Variants in EPN3 observed in about 807,000 individuals in gnomAD.
EPN3 encodes epsin 3.
EPN3 carries 56 observed loss-of-function variants against 55.5 expected under a neutral mutation model. That is an observed-to-expected ratio of 1.01 (90% CI 0.81 to 1.26). EPN3 has a LOEUF of 1.26. EPN3 is among the 50% of genes most tolerant of loss of function. The probability of loss-of-function intolerance (pLI) is 0.00; values close to 1 mark genes in which losing one functional copy is unlikely to be tolerated. For synonymous variants in EPN3, 449 were observed against 375.2 expected (o/e 1.20, Z -2.27); for missense variants, 927 against 853.4 (o/e 1.09, Z -1.07).
Position 50,536,961 on chromosome 17 carries a change from G to A in EPN3, c.405G>A (p.Lys135=). The A allele has an allele frequency of 1.2e-6, 2 of 1,614,044 alleles. No individual in the cohort carries two copies. Residue 135 remains lysine (K), a synonymous_variant, in exon 2 of 10, where the codon AAG becomes AAA. Transcript: ENST00000268933. ...TCAAGCAGGTGATGGCCCTGCTCAA[G>A]GATGAGGAGCGGCTGCGGCAGGAGC... is the stretch of plus-strand genomic sequence containing the variant. The part of the protein sequence containing the change: ...EKVKQVMALL[K]DEERLRQERT...
In EPN3 at chr17:50,536,539, ACCT is replaced by A. The variant is rs763193586; in HGVS notation, c.-15_-13del. 1.2e-6 allele frequency: 2 copies of A among 1,613,026 alleles called. No individual in the cohort carries two copies. Among genetic ancestry groups the A allele is most frequent in the Admixed American group, 3.3e-5 (2 of 60,002 alleles). The stretch of plus-strand genomic sequence containing the variant: ...CCTCCGGCGGGGGCGAGGGCCACCC[ACCT>A]CCAAGTCTCCAGCCATGACGACCTC... On this transcript the variant is annotated 5_prime_UTR_variant, in exon 2 of 10. Transcript: ENST00000268933.
In EPN3 at chr17:50,532,913, T is replaced by G; in HGVS notation, c.-209T>G. On this transcript the variant is annotated 5_prime_UTR_variant, in exon 1 of 10. Transcript: ENST00000268933. ...CGCTCCCGAGGCTGTGCCGTCCCGC[T>G]GCTGCACAGGTCGGAGGGTCACCGC... 2 of 1,285,802 alleles carry G rather than the reference T, an allele frequency of 1.6e-6. No homozygotes were observed. Among genetic ancestry groups the G allele is most frequent in the South Asian group, 1.2e-5 (1 of 80,726 alleles). The allele number at this position is 1,285,802 out of a possible 1,614,324, so 79.6% of individuals were successfully genotyped here.
intron 1 of EPN3, 55 bp from the exon 2 acceptor site, chr17:50,536,366 G>A (rs2034760311): frequency 1.4e-6 from 2 of 1,407,440 alleles, no homozygotes; most frequent in Admixed American, 5.8e-5. Context: ...GTCAGTGGCT[G>A]AGTGACCCAT....
At chr17:50,537,220 T>C in intron 2 of EPN3, 102 bp downstream of exon 2, 1 of 1,213,334 alleles carries the variant, frequency 8.2e-7, no homozygotes. Context: ...CTCCGAGGGG[T>C]GTTATGAAGA....
Position 50,538,895 on chromosome 17 carries a change from A to G in EPN3, c.693A>G (p.Pro231=). 1 of 1,604,520 alleles carries G rather than the reference A, an allele frequency of 6.2e-7. No homozygotes were observed. The highest frequency in any genetic ancestry group is 8.5e-7 in the Non-Finnish European group (1 of 1,174,274). ...CTCTTCCTCCGCAGCCTGTCCCCCCAGCCTCCCACAGGGACGAGGACCTGC... is the reference window on the plus strand; with the variant it reads ...CTCTTCCTCCGCAGCCTGTCCCCCCGGCCTCCCACAGGGACGAGGACCTGC... ...SREEAEKPVP[P]ASHRDEDLQL... The change falls in exon 4 of 10, where the codon CCA becomes CCG. Residue 231 remains proline, a synonymous_variant. Transcript: ENST00000268933.
chr17:50,541,374 G>A, intron 8 of EPN3, 41 bp downstream of exon 8: 2 of 1,607,286 alleles, frequency 1.2e-6, no homozygotes, highest in East Asian at 2.2e-5. Context: ...GGGGAATGAG[G>A]GGCCCACCCC....
At position 50,543,672 on chromosome 17, in the gene EPN3, A is replaced by C. The variant is rs2034876416; in HGVS notation, c.*1515A>C. On this transcript the variant is annotated 3_prime_UTR_variant, in exon 10 of 10. Coordinates refer to ENST00000268933, the MANE Select transcript of EPN3 (RefSeq NM_017957.3). ...CTTACAGGGTTCAAAGTTCTGCTCC[A>C]AGGTTTGACCCTAACAAGAATCACT... The C allele has an allele frequency of 6.6e-6, 1 of 152,270 alleles. No homozygotes were observed. The highest frequency in any genetic ancestry group is 2.4e-5 in the African/African-American group (1 of 41,472). The allele number at this position is 152,270 out of a possible 1,614,324, so 9.4% of individuals were successfully genotyped here.
intron 1 of EPN3, among the ~76,000 whole-genome samples, chr17:50,535,437 T>C (rs1478818342): frequency 8.6e-5 from 13 of 151,822 alleles, no homozygotes; most frequent in Non-Finnish European, 1.9e-4. Context: ...CATGCAGGAG[T>C]GTTGGCAGTG....
Position 50,540,838 on chromosome 17 carries a change from C to T in EPN3, c.1025C>T (p.Ser342Phe), listed in dbSNP as rs1460416910. The T allele has an allele frequency of 2.5e-6, 4 of 1,613,868 alleles. No homozygotes were observed. The African/African-American group carries it at 4.0e-5, about 16-fold the overall frequency. The change falls in exon 7 of 10, where the codon TCT becomes TTT. Residue 342 changes from serine to phenylalanine, a missense_variant. Ser to Phe is a radical substitution (Grantham distance 155, BLOSUM62 -2). Coordinates refer to ENST00000268933, the MANE Select transcript of EPN3 (RefSeq NM_017957.3). Reference protein sequence around the residue: ...TEASGSSWGPSADPWSPIPSG... With the variant: ...TEASGSSWGPFADPWSPIPSG... ...GCCAGTGGATCCTCCTGGGGGCCTT[C>T]TGCAGACCCCTGGTCTCCGATCCCC... is the stretch of plus-strand genomic sequence containing the variant.
intron 6 of EPN3, among the ~76,000 whole-genome samples, 177 bp from the exon 7 acceptor site, chr17:50,540,616 C>T (rs2034834531): frequency 6.6e-6 from 1 of 152,204 alleles, no homozygotes; most frequent in African/African-American, 2.4e-5. Context: ...ACCTGCAGGT[C>T]CCAGTTCCTG....
Position 50,542,312 on chromosome 17 carries a change from G to A in EPN3, c.*155G>A, listed in dbSNP as rs1272860151. 1.6e-5 allele frequency: 12 copies of A among 737,892 alleles called. No individual in the cohort carries two copies. The highest frequency in any genetic ancestry group is 2.2e-5 in the Non-Finnish European group (11 of 509,652). The allele number at this position is 737,892 out of a possible 1,614,324, so 45.7% of individuals were successfully genotyped here. On this transcript the variant is annotated 3_prime_UTR_variant, in exon 10 of 10. Transcript: ENST00000268933. Reference sequence around the variant, plus strand: ...GCTCTGGAAGCTGGACGCGGACCACGGCCCGGGAGCTAGAAACTGAACGCC... The same window carrying A: ...GCTCTGGAAGCTGGACGCGGACCACAGCCCGGGAGCTAGAAACTGAACGCC...
rs1321090240 is a variant in EPN3, at chr17:50,541,348, G to A, written c.1354+15G>A. ...CAGCCCTGTGGGTGAGCAGGGCAAG[G>A]GGATGGTGAGGCTCTGGGGAATGAG... On this transcript the variant is annotated intron_variant, in intron 8 of 9. Transcript: ENST00000268933. 2 of 1,610,572 alleles carry A rather than the reference G, an allele frequency of 1.2e-6. No individual in the cohort carries two copies. Among genetic ancestry groups the A allele is most frequent in the Admixed American group, 3.3e-5 (2 of 60,008 alleles).
Position 50,536,524 on chromosome 17 carries a change from G to A in EPN3, c.-33G>A. 1 of 1,612,204 alleles carries A rather than the reference G, an allele frequency of 6.2e-7. No individual in the cohort carries two copies. The highest frequency in any genetic ancestry group is 8.5e-7 in the Non-Finnish European group (1 of 1,179,958). ...GCCCTCAGCCCTCCACCTCCGGCGG[G>A]GGCGAGGGCCACCCACCTCCAAGTC... On this transcript the variant is annotated 5_prime_UTR_variant, in exon 2 of 10. Transcript: ENST00000268933.
rs1432930725 is a variant in EPN3 at position 50,537,096 on chromosome 17, G to A, written c.540G>A (p.Arg180=). Residue 180 remains arginine, a synonymous_variant, in exon 2 of 10, where the codon CGG becomes CGA. Transcript: ENST00000268933. ...RRYGEDYSRS[R]GSPSSYNSSS... The stretch of plus-strand genomic sequence containing the variant: ...ACGGCGAGGACTACAGCCGCTCCCG[G>A]GGCTCCCCGTCCTCCTACAACTGTG... The A allele has an allele frequency of 6.2e-7, 1 of 1,606,706 alleles. No homozygotes were observed. The highest frequency in any genetic ancestry group is 8.5e-7 in the Non-Finnish European group (1 of 1,177,814).
chr17:50,539,383 A>G, intron 5 of EPN3, 68 bp downstream of exon 5: 5 of 1,602,820 alleles, frequency 3.1e-6, no homozygotes, highest in Non-Finnish European at 4.3e-6. Context: ...TTGTAAAGAG[A>G]GAGCAGAGCA....
intron 5 of EPN3, 135 bp from the exon 6 acceptor site, chr17:50,540,112 A>AG (rs1349521106): frequency 3.1e-6 from 2 of 654,506 alleles, no homozygotes; most frequent in East Asian, 5.3e-5. Context: ...AGCACTGTGC[A>AG]GAGGTGAGGG....
chr17:50,538,027 G>A, intron 2 of EPN3, 52 bp from the exon 3 acceptor site: 2 of 1,438,084 alleles, frequency 1.4e-6, no homozygotes, highest in Non-Finnish European at 9.7e-7. Flanking sequence ...GCAGAGGGGT[G>A]TGGGAGCCGA....
At chr17:50,538,853 G>A (rs1393461505) in intron 3 of EPN3, 31 bp from the exon 4 acceptor site, 2 of 1,537,966 alleles carry the variant, frequency 1.3e-6, no homozygotes, top group Non-Finnish European at 8.8e-7. Context: ...TGGGGGTACA[G>A]GGCCAAGTTT....
chr17:50,534,742 T>G, intron 1 of EPN3: 1 of 798,668 alleles, frequency 1.3e-6, no homozygotes, highest in East Asian at 1.3e-4. Flanking sequence ...TGCCAAGGCA[T>G]GTTTTCAAAG....
Sources: gnomAD v4.1 joint callset for allele counts (sites outside exome capture counted in the v4.1 genomes callset) on GRCh38, gnomAD v4.1.1 for gene constraint, MANE v1.5 for transcripts, NCBI Gene and HGNC (gene_info 2026-07-23, HGNC 2026-07-21) for gene names.